Variants in TBXAS1 observed in about 807,000 individuals in gnomAD.
TBXAS1 encodes the protein thromboxane A synthase 1.
Under a neutral mutation model 60.7 loss-of-function variants are expected in TBXAS1, and 48 were observed. That is an observed-to-expected ratio of 0.79 (90% CI 0.63 to 1.01). The LOEUF (loss-of-function observed/expected upper bound fraction) is 1.01, where lower values mean the gene tolerates loss of function less well. TBXAS1 is among the 50% of genes least tolerant of loss of function. The pLI, the probability that TBXAS1 is intolerant of heterozygous loss-of-function variation, is 0.00. For missense variants in TBXAS1, 685 were observed against 686.3 expected (o/e 1.00, Z 0.02); for synonymous variants, 287 against 269.7 (o/e 1.06, Z -0.63).
At chr7:139,931,988 G>A (rs1013687493) in intron 4 of TBXAS1, among the ~76,000 whole-genome samples, 1 of 151,972 alleles carries the variant, frequency 6.6e-6, no homozygotes, top group African/African-American at 2.4e-5. Context: ...ACAACCATGT[G>A]AGTGTACTTA....
rs539682328 is a variant in TBXAS1, at chr7:139,952,749, T to C, written c.451-619T>C. On this transcript the variant is annotated intron_variant, in intron 5 of 12. Transcript: ENST00000448866. ...CTATTAAAAAAAAGAAACCCAACAA[T>C]TGCCCCATGTGGGCATAGGAGGCAT... The C allele has an allele frequency of 8.9e-5, 130 of 1,461,084 alleles. No individual in the cohort carries two copies. The African/African-American group carries it at 1.5e-3, about 17-fold the overall frequency. 90.5% of individuals were successfully genotyped at this position (1,461,084 alleles called of 1,614,324 possible). A position where few individuals can be genotyped will look rare whatever the true frequency, so the allele number is the denominator to read the frequency against.
chr7:139,851,758 A>G (rs1800229345), intron 1 of TBXAS1, among the ~76,000 whole-genome samples: 1 of 152,206 alleles, frequency 6.6e-6, no homozygotes, highest in South Asian at 2.1e-4. Flanking sequence ...AAAGGATGTA[A>G]TTTCACCACA....
At chr7:140,006,914 T>C (rs1434335202) in intron 9 of TBXAS1, among the ~76,000 whole-genome samples, 177 bp from the exon 10 acceptor site, 1 of 152,152 alleles carries the variant, frequency 6.6e-6, no homozygotes, top group Non-Finnish European at 1.5e-5. Context: ...ATAAGCACAA[T>C]AGAACCACTG....
chr7:139,895,797 C>T (rs551369116), intron 3 of TBXAS1, among the ~76,000 whole-genome samples: 7 of 152,320 alleles, frequency 4.6e-5, no homozygotes, highest in South Asian at 4.1e-4. Context: ...CTCTTTGCCC[C>T]GCTAGACCTG....
At chr7:139,910,060 G>T (rs1236471451) in intron 3 of TBXAS1, among the ~76,000 whole-genome samples, 1 of 152,102 alleles carries the variant, frequency 6.6e-6, no homozygotes, top group Non-Finnish European at 1.5e-5. Context: ...CACCACCTCT[G>T]GGAAGCCTTC....
chr7:139,831,141 G>A (rs963322984), intron 1 of TBXAS1, among the ~76,000 whole-genome samples: 4 of 152,116 alleles, frequency 2.6e-5, no homozygotes, highest in African/African-American at 9.7e-5. Context: ...AGGAGGCCCT[G>A]GTACAAGGTC....
chr7:139,945,179 T>C (rs1808602124), intron 5 of TBXAS1, among the ~76,000 whole-genome samples: 1 of 152,260 alleles, frequency 6.6e-6, no homozygotes, highest in African/African-American at 2.4e-5. Context: ...ACCAATGATC[T>C]GACACTTCCC....
chr7:139,988,312 G>A (rs1448905451), intron 9 of TBXAS1, among the ~76,000 whole-genome samples: 2 of 152,226 alleles, frequency 1.3e-5, no homozygotes, highest in Admixed American at 1.3e-4. Context: ...AGCTTAGCCC[G>A]AGCGCCTCCA....
intron 4 of TBXAS1, among the ~76,000 whole-genome samples, chr7:139,817,349 G>A (rs190373282): frequency 3.3e-5 from 5 of 152,118 alleles, no homozygotes; most frequent in East Asian, 1.9e-4. Flanking sequence ...TCCACAAGAC[G>A]CCGCCAGCAA....
At chr7:139,903,772 G>T (rs536639924) in intron 3 of TBXAS1, among the ~76,000 whole-genome samples, 3 of 151,810 alleles carry the variant, frequency 2.0e-5, no homozygotes, top group Admixed American at 6.6e-5. Flanking sequence ...GTCTATTCAG[G>T]TCCTTAGCCC....
intron 9 of TBXAS1, among the ~76,000 whole-genome samples, chr7:140,000,675 G>A (rs549656464): frequency 8.4e-6 from 1 of 119,522 alleles, no homozygotes; most frequent in Non-Finnish European, 1.7e-5. Context: ...ACTAGGTAAA[G>A]ATTCTGTTTA....
intron 1 of TBXAS1, among the ~76,000 whole-genome samples, chr7:139,841,375 A>G (rs1048734887): frequency 6.6e-6 from 1 of 152,236 alleles, no homozygotes; most frequent in African/African-American, 2.4e-5. Context: ...ATTTGCTGGA[A>G]CAAAACATTA....
chr7:139,801,619 G>T (rs569432689), intron 4 of TBXAS1, among the ~76,000 whole-genome samples: 1 of 152,070 alleles, frequency 6.6e-6, no homozygotes, highest in African/African-American at 2.4e-5. Flanking sequence ...ACAGGCACTT[G>T]CTACCATGCC....
chr7:139,851,751 G>C (rs1410446053), intron 1 of TBXAS1, among the ~76,000 whole-genome samples: 1 of 152,222 alleles, frequency 6.6e-6, no homozygotes, highest in Non-Finnish European at 1.5e-5. Flanking sequence ...CTTTGGAAAA[G>C]GATGTAATTT....
At chr7:139,814,438 A>T (rs1798098971) in intron 4 of TBXAS1, among the ~76,000 whole-genome samples, 1 of 152,208 alleles carries the variant, frequency 6.6e-6, no homozygotes, top group Non-Finnish European at 1.5e-5. Context: ...AGTTCACTGA[A>T]CTGACCAAGC....
At chr7:139,997,156 C>G (rs1276018422) in intron 9 of TBXAS1, among the ~76,000 whole-genome samples, 1 of 152,192 alleles carries the variant, frequency 6.6e-6, no homozygotes. Flanking sequence ...AGAACCGTAT[C>G]TTATCCCCTC....
Position 139,875,842 on chromosome 7 carries a change from G to A in TBXAS1, c.236+205G>A, listed in dbSNP as rs1160239582. 4.7e-6 allele frequency: 3 copies of A among 636,566 alleles called. No homozygotes were observed. In the South Asian group the frequency reaches 5.7e-5, roughly 12 times the overall value. 39.4% of individuals were successfully genotyped at this position (636,566 alleles called of 1,614,324 possible). On this transcript the variant is annotated intron_variant, in intron 3 of 12. Coordinates refer to ENST00000448866, the MANE Select transcript of TBXAS1 (RefSeq NM_001061.7). ...AAGACCCTGGGGTTGCCCACGGGGG[G>A]ACTCTGCTGGCCTGAAAGAGTACCA...
At chr7:139,937,431 G>T (rs773679993) in intron 5 of TBXAS1, among the ~76,000 whole-genome samples, 6 of 152,154 alleles carry the variant, frequency 3.9e-5, no homozygotes, top group Non-Finnish European at 8.8e-5. Context: ...AAGAGGAGGG[G>T]GTTCCACACC....
At chr7:139,845,285 C>T (rs1458052338) in intron 1 of TBXAS1, among the ~76,000 whole-genome samples, 2 of 152,134 alleles carry the variant, frequency 1.3e-5, no homozygotes, top group Admixed American at 6.5e-5. Context: ...CCTGGCCTGG[C>T]TCCTGAAGCC....
Sources: gnomAD v4.1 joint callset for allele counts (sites outside exome capture counted in the v4.1 genomes callset) on GRCh38, gnomAD v4.1.1 for gene constraint, MANE v1.5 for transcripts, NCBI Gene and HGNC (gene_info 2026-07-23, HGNC 2026-07-21) for gene names.